Variants in OSBPL5 observed in about 807,000 individuals in gnomAD.
The protein encoded by OSBPL5 is oxysterol binding protein like 5, also known as oxysterol-binding protein-related protein 5.
A neutral mutation model predicts 111.2 loss-of-function variants in OSBPL5; 71 were observed. The ratio of observed to expected loss-of-function variants is 0.64; its 90% CI spans 0.53 to 0.78. The LOEUF (loss-of-function observed/expected upper bound fraction) is 0.78. Ranked by LOEUF, OSBPL5 falls within the 30% of genes least tolerant of loss-of-function variation. The probability of loss-of-function intolerance (pLI) is 0.00; values close to 1 mark genes in which losing one functional copy is unlikely to be tolerated. For synonymous variants in OSBPL5, 549 were observed against 513.9 expected (o/e 1.07, Z -0.93); for missense variants, 1,210 against 1,189.3 (o/e 1.02, Z -0.26).
chr11:3,102,065 C>T lies in OSBPL5; in HGVS notation c.1425+118G>A. ...TTCCGGTGTGCAGGATGTGGGGTCCCCTGGAAGCCGGCCCTCGGGGTCACG... is the reference window on the plus strand; with the variant it reads ...TTCCGGTGTGCAGGATGTGGGGTCCTCTGGAAGCCGGCCCTCGGGGTCACG... On this transcript the variant is annotated intron_variant, in intron 12 of 21. Coordinates refer to ENST00000263650, the MANE Select transcript of OSBPL5 (RefSeq NM_020896.4). The T allele has an allele frequency of 3.8e-6, 4 of 1,048,636 alleles. No homozygotes were observed. In the South Asian group the frequency reaches 5.9e-5, roughly 16 times the overall value. The allele number at this position is 1,048,636 out of a possible 1,614,324, so 65.0% of individuals were successfully genotyped here. A position where few individuals can be genotyped will look rare whatever the true frequency, so the allele number is the denominator to read the frequency against.
chr11:3,088,266 G>C lies in OSBPL5; in HGVS notation c.2579C>G (p.Ser860Cys). ...CAGGAACACGCAGAGCAGGAACCAG[G>C]ATCGGGGGCTCTGCAGGAGGCCTGG... ...PTPGLLQSPRSWFLLCVFLAC... is the reference protein window; with the variant it reads ...PTPGLLQSPRCWFLLCVFLAC... The change falls in exon 22 of 22, where the codon TCC (serine) becomes TGC (cysteine). Residue 860 changes from serine (S) to cysteine (C), a missense_variant. Ser to Cys is a moderately radical substitution (Grantham distance 112). Coordinates refer to ENST00000263650, the MANE Select transcript of OSBPL5 (RefSeq NM_020896.4). 6.2e-7 allele frequency: 1 copy of C among 1,609,128 alleles called. No individual in the cohort carries two copies. The highest frequency in any genetic ancestry group is 8.5e-7 in the Non-Finnish European group (1 of 1,177,834).
rs1239690305 is a variant in OSBPL5, at chr11:3,162,286, G to A, written c.-22+2930C>T. Among the ~76,000 whole-genome samples the A allele has an allele frequency of 6.6e-6, 1 of 152,086 alleles. No individual in the cohort carries two copies. Among genetic ancestry groups the A allele is most frequent in the East Asian group, 1.9e-4 (1 of 5,172 alleles). ...GGAGGGAGTAGCCGGATGTGAGGTG[G>A]GCTGGGAGGCCGAGCAAAGCATTTG... On this transcript the variant is annotated intron_variant, in intron 1 of 21. Transcript: ENST00000263650. The surrounding 1 kb of genome is among the most constrained non-coding windows in gnomAD (Gnocchi z 8.1).
At chr11:3,094,543 C>T (rs998882758) in intron 14 of OSBPL5, 3 of 249,096 alleles carry the variant, frequency 1.2e-5, no homozygotes, top group East Asian at 6.0e-4. Flanking sequence ...GGGTGCGGAG[C>T]CTGGGAGGTG....
At chr11:3,159,865 A>C (rs935728162) in intron 1 of OSBPL5, among the ~76,000 whole-genome samples, 1 of 152,164 alleles carries the variant, frequency 6.6e-6, no homozygotes, top group East Asian at 1.9e-4. Context: ...AGGGCCAGCC[A>C]TGAGCCTCAC....
chr11:3,138,006 G>A (rs1469813557), intron 1 of OSBPL5, among the ~76,000 whole-genome samples: 5 of 152,218 alleles, frequency 3.3e-5, no homozygotes, highest in African/African-American at 1.2e-4. Context: ...TGGAGTGGTT[G>A]AACCTCAAGA....
chr11:3,154,450 G>A lies in OSBPL5; in HGVS notation c.-22+10766C>T, dbSNP rs1846690808. 6.6e-6 allele frequency among the ~76,000 whole-genome samples: 1 copy of A among 152,242 alleles called. No homozygotes were observed. The highest frequency in any genetic ancestry group is 2.4e-5 in the African/African-American group (1 of 41,472). ...CTGCTGACGCTTCGTTCACCAAGCG[G>A]GGGGCCTCTACAGCTCGCCCAGGTT... On this transcript the variant is annotated intron_variant, in intron 1 of 21. Transcript: ENST00000263650. The surrounding 1 kb of genome is among the most constrained non-coding windows in gnomAD (Gnocchi z 4.9).
chr11:3,103,037 C>A (rs1205934319), intron 11 of OSBPL5, among the ~76,000 whole-genome samples: 1 of 152,168 alleles, frequency 6.6e-6, no homozygotes, highest in African/African-American at 2.4e-5. Flanking sequence ...CCGGCCTGAG[C>A]CATCCAGGGC....
rs141904383 is a variant in OSBPL5 at position 3,140,064 on chromosome 11, G to A, written c.-21-10895C>T. On this transcript the variant is annotated intron_variant, in intron 1 of 21. Transcript: ENST00000263650. This position sits in a 1 kb window ranked among gnomAD's most constrained non-coding sequence, Gnocchi z 4.5. ...ACTGCTCGGCTGTGCAGCCTGGGAG[G>A]GGGGTGTGCAGTGGTCCGCCAAGCA... is the stretch of plus-strand genomic sequence containing the variant. Among the ~76,000 whole-genome samples the A allele has an allele frequency of 2.0e-5, 3 of 152,230 alleles. No individual in the cohort carries two copies. The highest frequency in any genetic ancestry group is 2.9e-5 in the Non-Finnish European group (2 of 68,022).
intron 1 of OSBPL5, among the ~76,000 whole-genome samples, chr11:3,160,323 C>A (rs1846916787): frequency 6.6e-6 from 1 of 152,228 alleles, no homozygotes. Context: ...GCAAGCAGGA[C>A]GCCTGGACCC....
intron 1 of OSBPL5, among the ~76,000 whole-genome samples, chr11:3,143,486 A>C (rs911695377): frequency 1.3e-5 from 2 of 152,222 alleles, no homozygotes; most frequent in African/African-American, 4.8e-5. Flanking sequence ...AACATGGATC[A>C]CATCTGTGCA....
chr11:3,116,499 G>C (rs1408370559), intron 7 of OSBPL5, among the ~76,000 whole-genome samples: 2 of 152,196 alleles, frequency 1.3e-5, no homozygotes, highest in Admixed American at 1.3e-4. Context: ...TTCATGGAGA[G>C]CTGAAATGTT....
At chr11:3,122,216 A>T in intron 4 of OSBPL5, 118 bp from the exon 5 acceptor site, 3 of 1,319,366 alleles carry the variant, frequency 2.3e-6, no homozygotes, top group Non-Finnish European at 3.2e-6. Flanking sequence ...AGTAGGAGGA[A>T]GTAGGGGGTG....
In OSBPL5 at chr11:3,104,228, G is replaced by C. The variant is rs747124317; in HGVS notation, c.1209C>G (p.Leu403=). ...GGTCTGCGTGGTAGTAGTAGTCGGA[G>C]AGCTTGTTCAGGAAGGAGCGCGGCT... The part of the protein sequence containing the change: ...VLEPRSFLNK[L]SDYYYHADLL... The change falls in exon 10 of 22, where the codon CTC becomes CTG. Residue 403 remains leucine, a synonymous_variant. Coordinates refer to ENST00000263650, the MANE Select transcript of OSBPL5 (RefSeq NM_020896.4). This position sits in a 1 kb window ranked among gnomAD's most constrained non-coding sequence, Gnocchi z 5.0. 1 of 1,612,624 alleles carries C rather than the reference G, an allele frequency of 6.2e-7. No homozygotes were observed. The highest frequency in any genetic ancestry group is 2.2e-5 in the East Asian group (1 of 44,812).
At chr11:3,132,355 G>T (rs1845838003) in intron 1 of OSBPL5, among the ~76,000 whole-genome samples, 1 of 152,028 alleles carries the variant, frequency 6.6e-6, no homozygotes, top group Non-Finnish European at 1.5e-5. Flanking sequence ...AAGGCATCCT[G>T]GTCTGTGGAG....
intron 1 of OSBPL5, among the ~76,000 whole-genome samples, chr11:3,147,330 A>T (rs1226108978): frequency 6.6e-6 from 1 of 152,174 alleles, no homozygotes; most frequent in East Asian, 1.9e-4. Context: ...AGGGCTTGCC[A>T]TGGGCCTGGG....
chr11:3,095,309 TCAAAAA>T (rs1290167000), intron 14 of OSBPL5, among the ~76,000 whole-genome samples: 1 of 77,256 alleles, frequency 1.3e-5, no homozygotes, highest in East Asian at 2.6e-4. Context: ...AGACTCTGTC[TCAAAAA>T]AAAAAAAAAA....
chr11:3,131,880 C>CAT (rs1564850399), intron 1 of OSBPL5, among the ~76,000 whole-genome samples: 1 of 76,642 alleles, frequency 1.3e-5, no homozygotes, highest in Non-Finnish European at 2.3e-5. Flanking sequence ...CATCCATCCA[C>CAT]CCATCCACCC....
At chr11:3,119,419 G>T in intron 7 of OSBPL5, 128 bp downstream of exon 7, 1 of 938,186 alleles carries the variant, frequency 1.1e-6, no homozygotes. Context: ...ATCCTGGCCA[G>T]ACTTCAGGCT....
chr11:3,112,032 TGTATGTGTGC>T (rs1857980936), intron 7 of OSBPL5, among the ~76,000 whole-genome samples: 2 of 129,868 alleles, frequency 1.5e-5, no homozygotes, highest in Non-Finnish European at 1.7e-5. Flanking sequence ...TGCATGTGTG[TGTATGTGTGC>T]GCGCATGTGT....
Sources: gnomAD v4.1 joint callset for allele counts (sites outside exome capture counted in the v4.1 genomes callset) on GRCh38, gnomAD v4.1.1 for gene constraint, Gnocchi (gnomAD v3.1) non-coding constraint, MANE v1.5 for transcripts, NCBI Gene and HGNC (gene_info 2026-07-23, HGNC 2026-07-21) for gene names.